SHQ1: variants seen among roughly 807,000 people sequenced by gnomAD.
The protein encoded by SHQ1 is protein SHQ1 homolog.
SHQ1 carries 49 observed loss-of-function variants against 53.8 expected under a neutral mutation model. That is an observed-to-expected ratio of 0.91 (90% CI 0.72 to 1.16). The LOEUF (loss-of-function observed/expected upper bound fraction) is 1.16, where lower values mean the gene tolerates loss of function less well. SHQ1 is among the 50% of genes most tolerant of loss of function. The pLI, the probability that SHQ1 is intolerant of heterozygous loss-of-function variation, is 0.00. For missense variants in SHQ1, 738 were observed against 683.1 expected, an observed-to-expected ratio of 1.08 and a Z score of -0.90; for synonymous variants, 243 against 251.0, an observed-to-expected ratio of 0.97 and a Z score of 0.30.
chr3:72,823,343 C>CTGAAAAAATATATATACCTATA (rs1434724502), intron 6 of SHQ1, among the ~76,000 whole-genome samples: 2 of 152,060 alleles, frequency 1.3e-5, no homozygotes, highest in African/African-American at 2.4e-5. Flanking sequence ...ATAACAGGCA[C>CTGAAAAAATATATATACCTATA]TATACTAGAC....
At chr3:72,748,956 AACAC>A (rs1040867730), downstream of SHQ1, among the ~76,000 whole-genome samples, 20 of 140,512 alleles carry the variant, frequency 1.4e-4, no homozygotes, top group African/African-American at 4.7e-4. Flanking sequence ...CCCTGTCTCA[AACAC>A]ACACGCACAC....
chr3:72,786,665 T>G (rs1356690669), intron 10 of SHQ1, among the ~76,000 whole-genome samples: 1 of 152,174 alleles, frequency 6.6e-6, no homozygotes, highest in East Asian at 1.9e-4. Context: ...TTGCCCACTG[T>G]AGCCGCTATT....
chr3:72,765,134 C>T (rs944839588), intron 10 of SHQ1, among the ~76,000 whole-genome samples: 7 of 152,198 alleles, frequency 4.6e-5, no homozygotes, highest in African/African-American at 1.7e-4. Flanking sequence ...CAGACTGGTC[C>T]TGAGGCCCAG....
At chr3:72,769,551 A>G (rs982708430) in intron 10 of SHQ1, among the ~76,000 whole-genome samples, 3 of 152,116 alleles carry the variant, frequency 2.0e-5, no homozygotes, top group Admixed American at 2.0e-4. Flanking sequence ...TGCCTAGCAC[A>G]TCTTCCCCCT....
intron 10 of SHQ1, chr3:72,753,557 C>T: frequency 1.0e-6 from 1 of 985,340 alleles, no homozygotes; most frequent in Non-Finnish European, 1.2e-6. Context: ...GAGCGGGAGG[C>T]ACAGTGCGGT....
chr3:72,776,604 C>A (rs1159132184), intron 10 of SHQ1, among the ~76,000 whole-genome samples: 1 of 151,862 alleles, frequency 6.6e-6, no homozygotes, highest in East Asian at 1.9e-4. Context: ...GTATTTACAT[C>A]AGCAATAAAT....
At chr3:72,795,666 A>G (rs967294299) in intron 9 of SHQ1, 4 of 152,204 alleles carry the variant, frequency 2.6e-5, no homozygotes, top group Non-Finnish European at 5.9e-5. Context: ...AGAACTACTA[A>G]AAGTTTTAAA....
intron 10 of SHQ1, among the ~76,000 whole-genome samples, chr3:72,760,957 T>C (rs1264294180): frequency 6.6e-6 from 1 of 152,144 alleles, no homozygotes; most frequent in Non-Finnish European, 1.5e-5. Flanking sequence ...GAAAAGCCAA[T>C]TGTAGGTTTC....
At chr3:72,734,910 T>C in the SHQ1 span, among the ~76,000 whole-genome samples, 2 of 151,604 alleles carry the variant, frequency 1.3e-5, no homozygotes, top group South Asian at 4.2e-4. Flanking sequence ...GAGACAACAT[T>C]TGTGCCGGCC....
chr3:72,806,521 A>C (rs1209714351), intron 9 of SHQ1, among the ~76,000 whole-genome samples: 5 of 152,224 alleles, frequency 3.3e-5, no homozygotes, highest in Non-Finnish European at 5.9e-5. Flanking sequence ...GGTGAGGAGC[A>C]GGGAATTAAG....
At chr3:72,794,823 T>C (rs2106801990) in intron 9 of SHQ1, 1 of 152,320 alleles carries the variant, frequency 6.6e-6, no homozygotes, top group East Asian at 1.9e-4. Context: ...ACTTTCCTAG[T>C]CTTCACGGTC....
intron 9 of SHQ1, among the ~76,000 whole-genome samples, chr3:72,803,169 T>A (rs1024604725): frequency 1.3e-5 from 2 of 152,244 alleles, no homozygotes; most frequent in African/African-American, 2.4e-5. Context: ...TCAGACATGC[T>A]ATGGCTCTTA....
At chr3:72,833,486 A>C (rs1707892142) in intron 4 of SHQ1, among the ~76,000 whole-genome samples, 4 of 86,720 alleles carry the variant, frequency 4.6e-5, no homozygotes, top group African/African-American at 1.5e-4. Flanking sequence ...AGATAGATAG[A>C]TAGATAGATA....
chr3:72,817,770 T>C (rs1045279678), intron 6 of SHQ1, among the ~76,000 whole-genome samples: 4 of 152,186 alleles, frequency 2.6e-5, no homozygotes, highest in African/African-American at 9.7e-5. Flanking sequence ...TTTTGAAAGT[T>C]CTATACCAAG....
intron 9 of SHQ1, among the ~76,000 whole-genome samples, chr3:72,807,329 T>C (rs1706984365): frequency 6.6e-6 from 1 of 152,196 alleles, no homozygotes. Context: ...GTGCCCCCAT[T>C]AGAACTATTA....
At position 72,836,338 on chromosome 3, in the gene SHQ1, AATTAGCCGGGTGTG is replaced by A. The variant is rs1707994220; in HGVS notation, c.487-3871_487-3858del. ...CCCCGTCTCTACTAAAAATACAAAA[AATTAGCCGGGTGTG>A]GTGGCGGGCACCTGTAGTCCCAGCT... is the stretch of plus-strand genomic sequence containing the variant. On this transcript the variant is annotated intron_variant, in intron 4 of 10. Transcript: ENST00000325599. Among the ~76,000 whole-genome samples the A allele has an allele frequency of 2.0e-5, 3 of 152,072 alleles. No homozygotes were observed. The South Asian group carries it at 6.2e-4, about 32-fold the overall frequency.
At chr3:72,749,214 G>A (rs541401676), downstream of SHQ1, 2 of 199,316 alleles carry the variant, frequency 1.0e-5, no homozygotes, top group Admixed American at 1.2e-4. Context: ...CTACCATATG[G>A]CTTGGTCATT....
intron 9 of SHQ1, among the ~76,000 whole-genome samples, chr3:72,799,396 T>G (rs1007349192): frequency 3.9e-5 from 6 of 152,206 alleles, no homozygotes; most frequent in Admixed American, 6.5e-5. Flanking sequence ...ATTTTAACAC[T>G]AATTTTCATA....
intron 10 of SHQ1, chr3:72,773,063 T>A: frequency 1.2e-6 from 1 of 863,316 alleles, no homozygotes; most frequent in Non-Finnish European, 2.0e-6. Flanking sequence ...GAGTCCATGT[T>A]CTCTAAGTAC....
Sources: allele counts gnomAD v4.1 joint callset (sites outside exome capture counted in the v4.1 genomes callset), GRCh38; gene constraint gnomAD v4.1.1; transcripts MANE v1.5; gene names NCBI Gene and HGNC (gene_info 2026-07-23, HGNC 2026-07-21).